TBCE: variants seen among roughly 807,000 people sequenced by gnomAD.
TBCE encodes tubulin folding cofactor E, also known as tubulin-specific chaperone E.
In TBCE, 53 loss-of-function variants were observed where a neutral mutation model predicts 77.0. The observed-to-expected ratio is 0.69, with a 90% CI of 0.55 to 0.87. TBCE has a LOEUF of 0.87. TBCE is among the 40% of genes least tolerant of loss of function. The pLI, the probability that TBCE is intolerant of heterozygous loss-of-function variation, is 0.00. For synonymous variants in TBCE, 235 were observed against 241.3 expected (o/e 0.97, Z 0.24); for missense variants, 624 against 622.4 (o/e 1.00, Z -0.03).
chr1:235,408,748 G>A (rs1206129439), intron 3 of TBCE, among the ~76,000 whole-genome samples: 1 of 152,136 alleles, frequency 6.6e-6, no homozygotes, highest in African/African-American at 2.4e-5. Context: ...CTCTCCTGAT[G>A]AACAGCTAGT....
chr1:235,376,031 G>A lies in TBCE; in HGVS notation c.-31-3988G>A, dbSNP rs1677272256. Reference sequence around the variant, plus strand: ...ATTGCACTCCAACCTGGGTAACAGAGCGAGACTCTTCTCAAAACAAACAAA... The same window carrying A: ...ATTGCACTCCAACCTGGGTAACAGAACGAGACTCTTCTCAAAACAAACAAA... On this transcript the variant is annotated intron_variant, in intron 1 of 16. Coordinates refer to ENST00000642610, the MANE Select transcript of TBCE (RefSeq NM_003193.5). 2.0e-5 allele frequency among the ~76,000 whole-genome samples: 3 copies of A among 152,210 alleles called. No individual in the cohort carries two copies. In the South Asian group the frequency reaches 6.2e-4, roughly 32 times the overall value.
intron 1 of TBCE, among the ~76,000 whole-genome samples, chr1:235,370,177 TTTA>T (rs1164701363): frequency 4.6e-5 from 7 of 152,060 alleles, no homozygotes; most frequent in African/African-American, 1.7e-4. Context: ...ATTTATCTGG[TTTA>T]TTATGTTTTC....
At chr1:235,369,832 CAAA>C (rs113566222) in intron 1 of TBCE, among the ~76,000 whole-genome samples, 1 of 112,090 alleles carries the variant, frequency 8.9e-6, no homozygotes, top group African/African-American at 3.0e-5. Context: ...AACTCTGTCT[CAAA>C]AAAAAAAAAA....
In TBCE at chr1:235,450,306, G is replaced by A; in HGVS notation, c.*1544G>A. On this transcript the variant is annotated 3_prime_UTR_variant, in exon 17 of 17. Transcript: ENST00000642610. ...ATACTGAGGAGAAGACAGCATTCCT[G>A]TCTCACAGGTCTTCTCACACAGCCA... is the stretch of plus-strand genomic sequence containing the variant. The A allele has an allele frequency of 1.2e-6, 2 of 1,613,958 alleles. No homozygotes were observed. The highest frequency in any genetic ancestry group is 1.7e-6 in the Non-Finnish European group (2 of 1,179,802).
At chr1:235,408,885 A>C (rs1460502583) in intron 3 of TBCE, among the ~76,000 whole-genome samples, 1 of 152,184 alleles carries the variant, frequency 6.6e-6, no homozygotes, top group Non-Finnish European at 1.5e-5. Flanking sequence ...CCAACAAGAA[A>C]GAAGCTTACT....
At chr1:235,448,235 A>G in intron 15 of TBCE, 114 bp from the exon 16 acceptor site, 1 of 828,574 alleles carries the variant, frequency 1.2e-6, no homozygotes, top group Non-Finnish European at 1.9e-6. Context: ...AAAAAAAAAA[A>G]AAAAAGACAG....
intron 5 of TBCE, among the ~76,000 whole-genome samples, chr1:235,424,288 A>ACTGCTGCT (rs1262291142): frequency 6.7e-6 from 1 of 149,652 alleles, no homozygotes; most frequent in African/African-American, 2.5e-5. Context: ...GGTGGCTGTC[A>ACTGCTGCT]CTGCTGCTGT....
rs1682616471 is a variant in TBCE at position 235,448,415 on chromosome 1, TTC to T, written c.1468_1469del (p.Leu490ValfsTer4). 1 of 1,614,010 alleles carries T rather than the reference TTC, an allele frequency of 6.2e-7. No individual in the cohort carries two copies. ...CTTCTCAAAGTTCCTGTGTCAGACC[TTC>T]TGTTGTCCTATGAAAGTCCCAAAGT... is the stretch of plus-strand genomic sequence containing the variant. On this transcript the variant is annotated frameshift_variant, in exon 16 of 17. Coordinates refer to ENST00000642610, the MANE Select transcript of TBCE (RefSeq NM_003193.5). LOFTEE classifies it high-confidence loss of function.
intron 3 of TBCE, among the ~76,000 whole-genome samples, chr1:235,412,138 CCCCTT>C (rs1679821402): frequency 1.1e-4 from 2 of 17,740 alleles, no homozygotes; most frequent in Non-Finnish European, 2.0e-4. Flanking sequence ...CCCTTCTCCT[CCCCTT>C]CCCCTCCCCT....
intron 4 of TBCE, chr1:235,419,263 G>A: frequency 1.5e-6 from 1 of 673,818 alleles, no homozygotes; most frequent in Non-Finnish European, 2.5e-6. Context: ...GTTTGGAGAG[G>A]GCCCCAGAGG....
intron 2 of TBCE, among the ~76,000 whole-genome samples, chr1:235,399,233 G>C (rs1678935466): frequency 6.6e-6 from 1 of 152,204 alleles, no homozygotes; most frequent in Non-Finnish European, 1.5e-5. Context: ...GGGATTACAG[G>C]CGTGAGCCAC....
intron 2 of TBCE, among the ~76,000 whole-genome samples, chr1:235,394,301 C>G (rs1169622277): frequency 6.6e-6 from 1 of 152,012 alleles, no homozygotes; most frequent in Non-Finnish European, 1.5e-5. Context: ...GTCTCGATCT[C>G]CTGACCTCGT....
chr1:235,402,311 C>T (rs1320724099), intron 3 of TBCE, among the ~76,000 whole-genome samples: 3 of 151,906 alleles, frequency 2.0e-5, no homozygotes, highest in Admixed American at 6.6e-5. Context: ...ATCCGCCCGC[C>T]TCAGCCTCCC....
intron 8 of TBCE, among the ~76,000 whole-genome samples, chr1:235,435,441 CAT>C (rs1681384027): frequency 7.3e-6 from 1 of 136,366 alleles, no homozygotes; most frequent in African/African-American, 3.2e-5. Context: ...TTGAGATAAT[CAT>C]ATATTCACAT....
intron 3 of TBCE, among the ~76,000 whole-genome samples, 172 bp downstream of exon 3, chr1:235,401,759 T>C (rs546176464): frequency 6.6e-6 from 1 of 152,100 alleles, no homozygotes; most frequent in African/African-American, 2.4e-5. Flanking sequence ...CTGCTGTTTG[T>C]AGCATTTTTC....
rs1681652546 is a variant in TBCE at position 235,439,075 on chromosome 1, C to G, written c.1270+153C>G. 3 of 1,073,724 alleles carry G rather than the reference C, an allele frequency of 2.8e-6. No homozygotes were observed. In the East Asian group the frequency reaches 7.5e-5, roughly 27 times the overall value. 66.5% of individuals were successfully genotyped at this position (1,073,724 alleles called of 1,614,324 possible). ...CATCTGAATGGACTATAGGCACTTT[C>G]CTGGGGCGAGGGCGGCAGGGCAAGA... On this transcript the variant is annotated intron_variant, in intron 13 of 16. Coordinates refer to ENST00000642610, the MANE Select transcript of TBCE (RefSeq NM_003193.5).
chr1:235,432,904 T>C, intron 7 of TBCE: 1 of 828,532 alleles, frequency 1.2e-6, no homozygotes, highest in Non-Finnish European at 1.6e-6. Flanking sequence ...TAATATATAA[T>C]AATTTTTTGT....
chr1:235,436,601 T>C lies in TBCE; in HGVS notation c.956T>C (p.Ile319Thr). The change falls in exon 11 of 17, where the codon ATA becomes ACA. Residue 319 changes from isoleucine to threonine, a missense_variant. Coordinates refer to ENST00000642610, the MANE Select transcript of TBCE (RefSeq NM_003193.5). ...LKYLVVNDNQ[I>T]SQWSFFNELE... ...TACCTGGTAGTAAACGACAATCAGATATCACAAGTAAGAGCTGCTCGGAGT... is the reference window on the plus strand; with the variant it reads ...TACCTGGTAGTAAACGACAATCAGACATCACAAGTAAGAGCTGCTCGGAGT... The C allele has an allele frequency of 6.2e-7, 1 of 1,613,802 alleles. No individual in the cohort carries two copies. The highest frequency in any genetic ancestry group is 8.5e-7 in the Non-Finnish European group (1 of 1,179,688).
chr1:235,402,596 G>A (rs1416999295), intron 3 of TBCE, among the ~76,000 whole-genome samples: 1 of 152,056 alleles, frequency 6.6e-6, no homozygotes, highest in Non-Finnish European at 1.5e-5. Flanking sequence ...GGGGCCTCTA[G>A]CCTGTTTTTA....
Sources: gnomAD v4.1 joint callset for allele counts (sites outside exome capture counted in the v4.1 genomes callset) on GRCh38, gnomAD v4.1.1 for gene constraint, MANE v1.5 for transcripts, NCBI Gene and HGNC (gene_info 2026-07-23, HGNC 2026-07-21) for gene names.